NRF1: variants seen among roughly 807,000 people sequenced by gnomAD.
NRF1 encodes alpha palindromic-binding protein.
A neutral mutation model predicts 58.5 loss-of-function variants in NRF1; 5 were observed. The observed-to-expected ratio is 0.09, with a 90% CI of 0.04 to 0.18. NRF1 has a LOEUF of 0.18. Ranked by LOEUF, NRF1 falls within the 10% of genes least tolerant of loss-of-function variation. NRF1 has a pLI of 1.00. For missense variants in NRF1, 288 were observed against 657.7 expected, an observed-to-expected ratio of 0.44 and a Z score of 6.15; for synonymous variants, 224 against 246.7, an observed-to-expected ratio of 0.91 and a Z score of 0.86.
chr7:129,720,795 T>C (rs1472117955), intron 9 of NRF1, among the ~76,000 whole-genome samples: 5 of 152,188 alleles, frequency 3.3e-5, no homozygotes, highest in Non-Finnish European at 7.3e-5. Flanking sequence ...CCACGGCCTT[T>C]AGCCCACCCT....
chr7:129,636,527 C>T (rs1287526209), intron 1 of NRF1, among the ~76,000 whole-genome samples: 4 of 152,190 alleles, frequency 2.6e-5, no homozygotes, highest in African/African-American at 9.7e-5. Context: ...GGATTACAGG[C>T]GTCAGCCACT....
intron 8 of NRF1, among the ~76,000 whole-genome samples, chr7:129,713,023 T>C (rs2116203732): frequency 6.6e-6 from 1 of 152,296 alleles, no homozygotes; most frequent in East Asian, 1.9e-4. Context: ...GAAAGTAACT[T>C]CGTTTCCTTC....
intron 5 of NRF1, among the ~76,000 whole-genome samples, chr7:129,701,662 G>A (rs1346723470): frequency 6.6e-6 from 1 of 152,100 alleles, no homozygotes; most frequent in Non-Finnish European, 1.5e-5. Context: ...GGATGAATGG[G>A]TATTGTCTGG....
intron 4 of NRF1, among the ~76,000 whole-genome samples, chr7:129,678,494 T>C (rs977800580): frequency 1.3e-5 from 2 of 152,212 alleles, no homozygotes; most frequent in African/African-American, 2.4e-5. Context: ...TGATCGAAAT[T>C]CTGTTTGTTG....
At chr7:129,687,830 T>C (rs1015280394) in intron 4 of NRF1, among the ~76,000 whole-genome samples, 1 of 152,224 alleles carries the variant, frequency 6.6e-6, no homozygotes, top group Non-Finnish European at 1.5e-5. Context: ...ATAGATCAGA[T>C]AGAATTAAAA....
chr7:129,665,523 T>C (rs1272175240), intron 2 of NRF1, among the ~76,000 whole-genome samples: 1 of 152,248 alleles, frequency 6.6e-6, no homozygotes, highest in Non-Finnish European at 1.5e-5. Flanking sequence ...AAAAGTTTAT[T>C]TGTAGTGCAA....
chr7:129,722,567 T>G (rs6962258), intron 9 of NRF1, among the ~76,000 whole-genome samples: 1 of 152,280 alleles, frequency 6.6e-6, no homozygotes, highest in East Asian at 1.9e-4. Flanking sequence ...ATCGTACTGA[T>G]CTGTCAACCT....
At chr7:129,709,327 C>A (rs1803018682) in intron 6 of NRF1, 94 bp downstream of exon 6, 2 of 1,125,644 alleles carry the variant, frequency 1.8e-6, no homozygotes, top group African/African-American at 3.2e-5. Flanking sequence ...GCTAGAAAGT[C>A]TTTGTGTAAT....
At chr7:129,655,849 C>A (rs2151074925) in intron 1 of NRF1, among the ~76,000 whole-genome samples, 1 of 152,242 alleles carries the variant, frequency 6.6e-6, no homozygotes, top group Non-Finnish European at 1.5e-5. Context: ...GGGAAAGCTT[C>A]TAGTTTTTCA....
At position 129,632,938 on chromosome 7, in the gene NRF1, T is replaced by C. The variant is rs1052073283; in HGVS notation, c.-7+21114T>C. ...CTTCTTGTCTTCCCACTTATGTATG[T>C]ATTTTTTGGTACCCTTTAATATAAA... On this transcript the variant is annotated intron_variant, in intron 1 of 10. Coordinates refer to ENST00000393232, the MANE Select transcript of NRF1 (RefSeq NM_005011.5). 2.0e-5 allele frequency among the ~76,000 whole-genome samples: 3 copies of C among 152,210 alleles called. No homozygotes were observed. In the South Asian group the frequency reaches 6.2e-4, roughly 31 times the overall value.
chr7:129,621,835 T>C (rs1800804035), intron 1 of NRF1, among the ~76,000 whole-genome samples: 1 of 148,784 alleles, frequency 6.7e-6, no homozygotes, highest in Non-Finnish European at 1.5e-5. Context: ...CGGGCTGGAG[T>C]GCAGTGGCAT....
intron 9 of NRF1, among the ~76,000 whole-genome samples, chr7:129,719,185 T>G (rs1270943857): frequency 6.6e-6 from 1 of 151,676 alleles, no homozygotes; most frequent in African/African-American, 2.4e-5. Context: ...TAGGCTGAAG[T>G]ACAATGGCAT....
chr7:129,655,801 C>T (rs1466263183), intron 1 of NRF1, among the ~76,000 whole-genome samples: 1 of 152,178 alleles, frequency 6.6e-6, no homozygotes, highest in Non-Finnish European at 1.5e-5. Context: ...GGATTACAGG[C>T]GTGAGCCACC....
At chr7:129,647,315 G>A (rs543841275) in intron 1 of NRF1, among the ~76,000 whole-genome samples, 1 of 151,938 alleles carries the variant, frequency 6.6e-6, no homozygotes, top group South Asian at 2.1e-4. Context: ...GAGCCACCAT[G>A]CCTGGCGCTT....
At chr7:129,701,712 G>C (rs986052722) in intron 5 of NRF1, among the ~76,000 whole-genome samples, 3 of 152,134 alleles carry the variant, frequency 2.0e-5, no homozygotes, top group Non-Finnish European at 2.9e-5. Flanking sequence ...TCTTTCTGGA[G>C]GACAATTTGG....
At position 129,657,453 on chromosome 7, in the gene NRF1, G is replaced by A. The variant is rs1450226437; in HGVS notation, c.102G>A (p.Glu34=). The A allele has an allele frequency of 6.2e-7, 1 of 1,614,072 alleles. No homozygotes were observed. The highest frequency in any genetic ancestry group is 1.7e-5 in the Admixed American group (1 of 59,998). Residue 34 remains glutamate (E), a synonymous_variant, in exon 2 of 11, where the codon GAG becomes GAA. Coordinates refer to ENST00000393232, the MANE Select transcript of NRF1 (RefSeq NM_005011.5). ...AGGTCCATGTGGCTACTTACACCGA[G>A]CATAGTATGCTGAGTGCTGATGAAG... ...VQQVHVATYT[E]HSMLSADEDS...
intron 5 of NRF1, among the ~76,000 whole-genome samples, chr7:129,703,867 G>C (rs548701886): frequency 1.3e-5 from 2 of 152,164 alleles, no homozygotes; most frequent in Admixed American, 6.5e-5. Flanking sequence ...TACTGTTTCT[G>C]TTTCTCCTGC....
At chr7:129,721,125 T>A (rs1044020465) in intron 9 of NRF1, among the ~76,000 whole-genome samples, 1 of 152,206 alleles carries the variant, frequency 6.6e-6, no homozygotes, top group African/African-American at 2.4e-5. Context: ...GTGATTAATT[T>A]GAACTTTCAG....
chr7:129,628,619 A>C (rs757717893), intron 1 of NRF1, among the ~76,000 whole-genome samples: 5 of 152,158 alleles, frequency 3.3e-5, no homozygotes, highest in African/African-American at 1.2e-4. Flanking sequence ...CTGCTTTTGC[A>C]CTCAGTCTGC....
Sources: allele counts gnomAD v4.1 joint callset (sites outside exome capture counted in the v4.1 genomes callset), GRCh38; gene constraint gnomAD v4.1.1; transcripts MANE v1.5; gene names NCBI Gene and HGNC (gene_info 2026-07-23, HGNC 2026-07-21).